The following NFIB variants were observed in gnomAD, a reference collection of about 807,000 sequenced individuals.
The protein encoded by NFIB is nuclear factor 1 B-type.
In NFIB, 11 loss-of-function variants were observed where a neutral mutation model predicts 61.5. The ratio of observed to expected loss-of-function variants is 0.18; its 90% confidence interval spans 0.11 to 0.30. The LOEUF (loss-of-function observed/expected upper bound fraction) is 0.30. NFIB is among the 10% of genes least tolerant of loss of function. NFIB has a pLI of 1.00. For synonymous variants in NFIB, 260 were observed against 216.5 expected (o/e 1.20, Z -1.76); for missense variants, 471 against 608.9 (o/e 0.77, Z 2.38).
chr9:14,281,022 C>G (rs1273167870), intron 2 of NFIB, among the ~76,000 whole-genome samples: 1 of 151,942 alleles, frequency 6.6e-6, no homozygotes, highest in East Asian at 1.9e-4. Context: ...GTACGGTGAG[C>G]CAAAATGGGA....
At chr9:14,439,094 G>A in the NFIB span, among the ~76,000 whole-genome samples, 31 of 152,198 alleles carry the variant, frequency 2.0e-4, no homozygotes, top group African/African-American at 5.1e-4. Context: ...TTTCAGGCTC[G>A]GCGTTGTGGC....
chr9:14,239,405 A>T (rs2054127136), intron 2 of NFIB, among the ~76,000 whole-genome samples: 1 of 152,212 alleles, frequency 6.6e-6, no homozygotes, highest in South Asian at 2.1e-4. Flanking sequence ...GGTATACTTA[A>T]CATACAAACT....
the NFIB span, among the ~76,000 whole-genome samples, chr9:14,480,485 G>C: frequency 1.3e-5 from 2 of 150,722 alleles, no homozygotes; most frequent in African/African-American, 2.4e-5. Flanking sequence ...GACTGAGAAG[G>C]ACAGTCCATT....
At position 14,125,754 on chromosome 9, in the gene NFIB, G is replaced by A. The variant is rs1563810517; in HGVS notation, c.938C>T (p.Pro313Leu). 8 of 1,613,988 alleles carry A rather than the reference G, an allele frequency of 5.0e-6. No homozygotes were observed. Among genetic ancestry groups the A allele is most frequent in the East Asian group, 2.2e-5 (1 of 44,864 alleles). ...WHERDQDMSS[P>L]TTMKKPEKPL... ...CTTTTCAGGCTTCTTCATAGTAGTC[G>A]GAGAAGACATATCTGCGAGAAACAG... The change falls in exon 7 of 11, where the codon CCG becomes CTG. Residue 313 changes from proline to leucine, a missense_variant. Pro to Leu is a moderately conservative substitution (Grantham distance 98, BLOSUM62 -3). Transcript: ENST00000380953.
At chr9:14,273,380 T>C (rs1043240248) in intron 2 of NFIB, among the ~76,000 whole-genome samples, 1 of 152,146 alleles carries the variant, frequency 6.6e-6, no homozygotes, top group Non-Finnish European at 1.5e-5. Context: ...CTTCTCAAAA[T>C]AACTTTCAAG....
At chr9:14,459,051 A>G in the NFIB span, among the ~76,000 whole-genome samples, 1 of 152,144 alleles carries the variant, frequency 6.6e-6, no homozygotes, top group Non-Finnish European at 1.5e-5. Context: ...AAGAGCCCGC[A>G]TTGCCAAGTC....
the NFIB span, among the ~76,000 whole-genome samples, chr9:14,475,656 T>A: frequency 1.3e-5 from 2 of 152,088 alleles, no homozygotes; most frequent in African/African-American, 4.8e-5. Context: ...TCCCATCTCC[T>A]TGACCTTCCC....
the NFIB span, among the ~76,000 whole-genome samples, chr9:14,518,833 AT>A: frequency 2.0e-5 from 3 of 152,188 alleles, no homozygotes; most frequent in Admixed American, 2.0e-4. Flanking sequence ...CTCAGGCCAT[AT>A]TTCCAATTCC....
At chr9:14,285,495 TATA>T (rs2058652516) in intron 2 of NFIB, among the ~76,000 whole-genome samples, 1 of 152,182 alleles carries the variant, frequency 6.6e-6, no homozygotes, top group African/African-American at 2.4e-5. Context: ...TTTCAGACTA[TATA>T]ATATTTTCTT....
At chr9:14,418,579 G>A in the NFIB span, among the ~76,000 whole-genome samples, 9 of 152,306 alleles carry the variant, frequency 5.9e-5, no homozygotes, top group African/African-American at 1.9e-4. Flanking sequence ...CCTACCAGCT[G>A]CAGAGTCTGC....
chr9:14,430,414 T>G, the NFIB span, among the ~76,000 whole-genome samples: 2 of 152,168 alleles, frequency 1.3e-5, no homozygotes. Flanking sequence ...ATGTTATAAT[T>G]TGAATAAACG....
intron 2 of NFIB, among the ~76,000 whole-genome samples, chr9:14,216,927 A>C (rs2050993373): frequency 6.6e-6 from 1 of 152,228 alleles, no homozygotes; most frequent in South Asian, 2.1e-4. Flanking sequence ...GAAAACTTTA[A>C]AAGCTAGAAC....
chr9:14,385,826 A>G (rs1366727179), intron 1 of NFIB, among the ~76,000 whole-genome samples: 1 of 146,662 alleles, frequency 6.8e-6, no homozygotes, highest in Admixed American at 6.9e-5. Flanking sequence ...TCTGTTTCCC[A>G]GGCTGGAGTG....
chr9:14,089,991 C>T (rs1046364475), intron 10 of NFIB, among the ~76,000 whole-genome samples: 9 of 152,068 alleles, frequency 5.9e-5, no homozygotes, highest in East Asian at 1.9e-4. Context: ...CAGCAAAGTC[C>T]GTCTCTAGTA....
At chr9:14,404,428 G>T in the NFIB span, among the ~76,000 whole-genome samples, 1 of 152,172 alleles carries the variant, frequency 6.6e-6, no homozygotes, top group Non-Finnish European at 1.5e-5. Context: ...AAGACCACAT[G>T]CATATACATA....
At chr9:14,118,521 ACT>A (rs2038464062) in intron 8 of NFIB, among the ~76,000 whole-genome samples, 2 of 152,048 alleles carry the variant, frequency 1.3e-5, no homozygotes, top group Non-Finnish European at 2.9e-5. Flanking sequence ...CTTTCCTAAA[ACT>A]CAGGGTGAGA....
the NFIB span, among the ~76,000 whole-genome samples, chr9:14,415,568 T>C: frequency 6.6e-6 from 1 of 152,206 alleles, no homozygotes; most frequent in South Asian, 2.1e-4. Context: ...CATTGTCCAA[T>C]TTCCCTTTGA....
the NFIB span, among the ~76,000 whole-genome samples, chr9:14,419,287 T>TAAAA: frequency 0.029 from 3,725 of 126,990 alleles, 81 homozygotes; most frequent in Middle Eastern, 0.044. Flanking sequence ...GCAGCACTGT[T>TAAAA]AAAAAAAAAA....
At chr9:14,228,132 T>C (rs1387219446) in intron 2 of NFIB, among the ~76,000 whole-genome samples, 1 of 151,852 alleles carries the variant, frequency 6.6e-6, no homozygotes, top group Admixed American at 6.6e-5. Context: ...TTAAAAATAA[T>C]TATATAGGAA....
Sources: allele counts gnomAD v4.1 joint callset (sites outside exome capture counted in the v4.1 genomes callset), GRCh38; gene constraint gnomAD v4.1.1; transcripts MANE v1.5; gene names NCBI Gene and HGNC (gene_info 2026-07-23, HGNC 2026-07-21).